Variants in QRSL1 observed in about 807,000 individuals in gnomAD.
The protein encoded by QRSL1 is glutamyl-tRNA(Gln) amidotransferase subunit A, mitochondrial.
Under a neutral mutation model 61.6 loss-of-function variants are expected in QRSL1, and 54 were observed. The observed-to-expected ratio is 0.88, with a 90% confidence interval of 0.70 to 1.10. The LOEUF (loss-of-function observed/expected upper bound fraction) is 1.10, where lower values mean the gene tolerates loss of function less well. Among genes scored for constraint, QRSL1 ranks in the 50% least tolerant of loss-of-function variants. The pLI, the probability that QRSL1 is intolerant of heterozygous loss-of-function variation, is 0.00. For synonymous variants in QRSL1, 228 were observed against 225.7 expected, an observed-to-expected ratio of 1.01 and a Z score of -0.09; for missense variants, 505 against 622.6, an observed-to-expected ratio of 0.81 and a Z score of 2.01.
intron 1 of QRSL1, among the ~76,000 whole-genome samples, chr6:106,632,583 A>G (rs115328245): frequency 0.013 from 1,997 of 152,114 alleles, 54 homozygotes; most frequent in African/African-American, 0.046. Flanking sequence ...AGTAATTTAC[A>G]TTTCATCCAA....
At chr6:106,642,742 T>C (rs1777042330) in intron 3 of QRSL1, 1 of 736,494 alleles carries the variant, frequency 1.4e-6, no homozygotes, top group African/African-American at 1.7e-5. Context: ...GTAAGTACTG[T>C]AAGAGCCGAG....
intron 4 of QRSL1, among the ~76,000 whole-genome samples, chr6:106,645,427 TTC>T (rs2114706358): frequency 6.6e-6 from 1 of 151,958 alleles, no homozygotes; most frequent in South Asian, 2.1e-4. Context: ...TATGTTTCTT[TTC>T]TTTTTTTTTT....
At chr6:106,648,966 T>C in intron 4 of QRSL1, 59 bp from the exon 5 acceptor site, 1 of 1,526,638 alleles carries the variant, frequency 6.6e-7, no homozygotes, top group Non-Finnish European at 8.9e-7. Context: ...ACTCAGAAGA[T>C]GAAATTTTCA....
chr6:106,642,100 A>C (rs1414105539), intron 3 of QRSL1, among the ~76,000 whole-genome samples: 1 of 152,256 alleles, frequency 6.6e-6, no homozygotes. Context: ...TCTGTCACCC[A>C]GAGTGGAGTG....
rs77144657 is a variant in QRSL1 at position 106,660,604 on chromosome 6, C to CT, written c.1161-2363dup. ...TTTAAGAAGGCAGAGTGTCTTAGTT[C>CT]TTTTTTTTTTTTTAATCCCCTATTC... On this transcript the variant is annotated intron_variant, in intron 9 of 10. Coordinates refer to ENST00000369046, the MANE Select transcript of QRSL1 (RefSeq NM_018292.5). Among the ~76,000 whole-genome samples, 340 of 143,300 alleles carry CT rather than the reference C, an allele frequency of 2.4e-3. 3 individuals are homozygous for CT. The highest frequency in any genetic ancestry group is 7.1e-3 in the African/African-American group (276 of 39,072). 94.0% of individuals were successfully genotyped at this position (143,300 alleles called of 152,430 possible).
chr6:106,643,160 C>A, intron 4 of QRSL1, 70 bp downstream of exon 4: 1 of 1,068,858 alleles, frequency 9.4e-7, no homozygotes, highest in Non-Finnish European at 1.4e-6. Flanking sequence ...ATGTAGTTAC[C>A]TAAAAGGATT....
At chr6:106,639,422 C>T (rs1236012195) in intron 1 of QRSL1, among the ~76,000 whole-genome samples, 2 of 152,094 alleles carry the variant, frequency 1.3e-5, no homozygotes, top group Non-Finnish European at 2.9e-5. Flanking sequence ...CTGCGCCCGG[C>T]CAGTGTGGTT....
chr6:106,663,081 C>T lies in QRSL1; in HGVS notation c.1262C>T (p.Pro421Leu). Residue 421 changes from proline (P) to leucine (L), a missense_variant, in exon 10 of 11, where the codon CCC becomes CTC. Coordinates refer to ENST00000369046, the MANE Select transcript of QRSL1 (RefSeq NM_018292.5). Reference protein sequence around the residue: ...FNSGVDVLLTPTTLSEAVPYL... With the variant: ...FNSGVDVLLTLTTLSEAVPYL... ...TCTGGAGTAGATGTCTTGCTAACTC[C>T]CACCACCTTGAGTGAGGCAGTACCA... The T allele has an allele frequency of 1.2e-6, 2 of 1,613,816 alleles. No homozygotes were observed. Among genetic ancestry groups the T allele is most frequent in the Non-Finnish European group, 1.7e-6 (2 of 1,179,700 alleles).
chr6:106,660,717 A>G (rs1158483849), intron 9 of QRSL1, among the ~76,000 whole-genome samples: 1 of 151,958 alleles, frequency 6.6e-6, no homozygotes, highest in Non-Finnish European at 1.5e-5. Context: ...ACTGGCTCAC[A>G]GTTCTGGAGG....
chr6:106,661,171 C>T (rs1046365155), intron 9 of QRSL1, among the ~76,000 whole-genome samples: 8 of 151,812 alleles, frequency 5.3e-5, no homozygotes, highest in Non-Finnish European at 8.8e-5. Flanking sequence ...AGTGCAGTGG[C>T]GCGATCTTGG....
At chr6:106,649,283 C>T (rs1777160915) in intron 5 of QRSL1, 82 bp downstream of exon 5, 13 of 1,397,328 alleles carry the variant, frequency 9.3e-6, no homozygotes, top group Non-Finnish European at 1.2e-5. Context: ...TAGAGTAGTT[C>T]ATATCCTGGT....
At chr6:106,639,134 T>TTTTTTTTTTTTTTTTG (rs1776974966) in intron 1 of QRSL1, among the ~76,000 whole-genome samples, 1 of 135,812 alleles carries the variant, frequency 7.4e-6, no homozygotes, top group African/African-American at 2.9e-5. Context: ...TTTTTTTTTT[T>TTTTTTTTTTTTTTTTG]TTTTTTTTTT....
In QRSL1 at chr6:106,640,813, T is replaced by C; in HGVS notation, c.185-10T>C. 5 of 1,610,112 alleles carry C rather than the reference T, an allele frequency of 3.1e-6. No individual in the cohort carries two copies. Among genetic ancestry groups the C allele is most frequent in the Non-Finnish European group, 3.4e-6 (4 of 1,176,984 alleles). On this transcript the variant is annotated splice_polypyrimidine_tract_variant and intron_variant, in intron 2 of 10. Transcript: ENST00000369046. Reference sequence around the variant, plus strand: ...ATCTCCTTTATCACTCTTTTGGCTTTTTAATGCAGGACAGTCACTTGGGGA... The same window carrying C: ...ATCTCCTTTATCACTCTTTTGGCTTCTTAATGCAGGACAGTCACTTGGGGA...
At chr6:106,654,339 G>A (rs1361901651) in intron 7 of QRSL1, among the ~76,000 whole-genome samples, 1 of 150,186 alleles carries the variant, frequency 6.7e-6, no homozygotes, top group Non-Finnish European at 1.5e-5. Context: ...GACAGAGTGA[G>A]ACTCCGTCTC....
intron 5 of QRSL1, among the ~76,000 whole-genome samples, chr6:106,651,632 A>C (rs1421454205): frequency 1.3e-5 from 2 of 152,226 alleles, no homozygotes; most frequent in African/African-American, 4.8e-5. Context: ...ACAACGTAAG[A>C]GTTTAAATTA....
chr6:106,666,579 G>T lies in QRSL1; in HGVS notation c.*577G>T, dbSNP rs893915004. The T allele has an allele frequency of 1.3e-5, 2 of 154,458 alleles. No individual in the cohort carries two copies. Among genetic ancestry groups the T allele is most frequent in the African/African-American group, 4.8e-5 (2 of 41,442 alleles). 9.6% of individuals were successfully genotyped at this position (154,458 alleles called of 1,614,324 possible). A position where few individuals can be genotyped will look rare whatever the true frequency, so the allele number is the denominator to read the frequency against. On this transcript the variant is annotated 3_prime_UTR_variant, in exon 11 of 11. Coordinates refer to ENST00000369046, the MANE Select transcript of QRSL1 (RefSeq NM_018292.5). ...ATTCTGCCATAATGTTCATTAAAGA[G>T]TTTACAGTAAAAATAAGATTAGGGA...
chr6:106,632,672 T>A (rs1776857159), intron 1 of QRSL1, among the ~76,000 whole-genome samples: 1 of 152,248 alleles, frequency 6.6e-6, no homozygotes, highest in South Asian at 2.1e-4. Flanking sequence ...AGATGATATC[T>A]CATTGTAGTT....
chr6:106,649,550 G>A (rs1029825352), intron 5 of QRSL1, among the ~76,000 whole-genome samples: 1 of 151,698 alleles, frequency 6.6e-6, no homozygotes, highest in Non-Finnish European at 1.5e-5. Context: ...AAATATTTAG[G>A]GACTAACATA....
At chr6:106,646,794 C>T (rs192224652) in intron 4 of QRSL1, among the ~76,000 whole-genome samples, 4 of 151,944 alleles carry the variant, frequency 2.6e-5, no homozygotes, top group Admixed American at 6.6e-5. Flanking sequence ...TTTGGGAGGC[C>T]GAGGCAGGTG....
Sources: allele counts gnomAD v4.1 joint callset (sites outside exome capture counted in the v4.1 genomes callset), GRCh38; gene constraint gnomAD v4.1.1; transcripts MANE v1.5; gene names NCBI Gene and HGNC (gene_info 2026-07-23, HGNC 2026-07-21).